The following NRG1 variants were observed in gnomAD, a reference collection of about 807,000 sequenced individuals.
NRG1 encodes the protein neuregulin 1.
Under a neutral mutation model 63.8 loss-of-function variants are expected in NRG1, and 18 were observed. That is an observed-to-expected ratio of 0.28 (90% CI 0.19 to 0.42). The LOEUF (loss-of-function observed/expected upper bound fraction) is 0.42, where lower values mean the gene tolerates loss of function less well. Among genes scored for constraint, NRG1 ranks in the 10% least tolerant of loss-of-function variants. NRG1 has a pLI of 1.00. For synonymous variants in NRG1, 302 were observed against 301.3 expected, an observed-to-expected ratio of 1.00 and a Z score of -0.02; for missense variants, 762 against 814.7, an observed-to-expected ratio of 0.94 and a Z score of 0.79.
intron 1 of NRG1, among the ~76,000 whole-genome samples, chr8:31,740,219 G>T (rs937490872): frequency 2.0e-5 from 3 of 152,014 alleles, no homozygotes; most frequent in Admixed American, 1.3e-4. Context: ...CCATGCATGG[G>T]ACTGAAGAGT....
intron 1 of NRG1, among the ~76,000 whole-genome samples, chr8:31,953,643 C>G (rs1011282777): frequency 6.6e-6 from 1 of 152,182 alleles, no homozygotes; most frequent in East Asian, 1.9e-4. Context: ...CTTTAGTCTA[C>G]TTGGCAATAT....
intron 1 of NRG1, among the ~76,000 whole-genome samples, chr8:31,856,328 C>A: frequency 6.6e-6 from 1 of 152,098 alleles, no homozygotes; most frequent in Non-Finnish European, 1.5e-5. Context: ...ATTCTTTTTT[C>A]TCTAAACTTC....
intron 1 of NRG1, among the ~76,000 whole-genome samples, chr8:32,061,047 A>G (rs1380776275): frequency 6.6e-6 from 1 of 151,916 alleles, no homozygotes; most frequent in Non-Finnish European, 1.5e-5. Flanking sequence ...CTGCTAAACT[A>G]TTATATACTA....
intron 1 of NRG1, among the ~76,000 whole-genome samples, chr8:32,415,434 A>T (rs1463062609): frequency 6.8e-6 from 1 of 148,004 alleles, no homozygotes; most frequent in Non-Finnish European, 1.5e-5. Context: ...AAAAAAAAAA[A>T]ATGCGGCAAT....
chr8:31,687,053 G>A (rs1323138023), intron 1 of NRG1, among the ~76,000 whole-genome samples: 2 of 152,142 alleles, frequency 1.3e-5, no homozygotes, highest in Non-Finnish European at 2.9e-5. Context: ...ACAGGTGTGA[G>A]CCTCTGTGCC....
intron 5 of NRG1, among the ~76,000 whole-genome samples, chr8:32,687,016 G>A (rs886388707): frequency 1.3e-5 from 2 of 152,150 alleles, no homozygotes; most frequent in African/African-American, 4.8e-5. Context: ...TCATAATCTT[G>A]TTCCTGAATG....
intron 1 of NRG1, among the ~76,000 whole-genome samples, chr8:31,712,255 C>CTTTTTTTTTTTTTTTTTTTT (rs57363109): frequency 6.9e-5 from 5 of 72,352 alleles, no homozygotes; most frequent in African/African-American, 1.2e-4. Context: ...TCTTCATGAT[C>CTTTTTTTTTTTTTTTTTTTT]TTTTTTTTTT....
At chr8:32,401,773 A>G (rs1337441527) in intron 1 of NRG1, among the ~76,000 whole-genome samples, 2 of 152,184 alleles carry the variant, frequency 1.3e-5, no homozygotes, top group African/African-American at 2.4e-5. Flanking sequence ...CAGAAAAACT[A>G]CCTATCAGGT....
At chr8:32,400,490 G>A (rs541823269) in intron 1 of NRG1, among the ~76,000 whole-genome samples, 2 of 152,096 alleles carry the variant, frequency 1.3e-5, no homozygotes, top group Non-Finnish European at 1.5e-5. Context: ...CAAACGACAC[G>A]AACAGACACT....
intron 1 of NRG1, among the ~76,000 whole-genome samples, chr8:32,129,043 TC>T (rs552399205): frequency 1.5e-3 from 225 of 152,094 alleles, no homozygotes; most frequent in African/African-American, 5.2e-3. Context: ...TGATTTATGC[TC>T]CCACAATAGT....
chr8:32,166,134 T>C (rs1458632314), intron 1 of NRG1, among the ~76,000 whole-genome samples: 3 of 152,214 alleles, frequency 2.0e-5, no homozygotes, highest in East Asian at 3.8e-4. Flanking sequence ...TAATGACTTA[T>C]GCTGGGAAGT....
intron 1 of NRG1, among the ~76,000 whole-genome samples, chr8:32,124,692 C>T (rs1833871956): frequency 6.6e-6 from 1 of 151,796 alleles, no homozygotes; most frequent in Admixed American, 6.6e-5. Context: ...TTTTCAATGT[C>T]CCCCATCCTA....
chr8:32,597,852 T>C (rs1441936643), intron 2 of NRG1, among the ~76,000 whole-genome samples: 1 of 152,138 alleles, frequency 6.6e-6, no homozygotes, highest in Non-Finnish European at 1.5e-5. Flanking sequence ...CATATGTGCA[T>C]GAGGGGAGGA....
chr8:31,720,529 C>A (rs1381332787), intron 1 of NRG1, among the ~76,000 whole-genome samples: 1 of 152,192 alleles, frequency 6.6e-6, no homozygotes, highest in Non-Finnish European at 1.5e-5. Context: ...GTGTTGTTCC[C>A]ACCACGTGTC....
At chr8:31,883,854 G>A (rs552636051) in intron 1 of NRG1, among the ~76,000 whole-genome samples, 6 of 152,142 alleles carry the variant, frequency 3.9e-5, no homozygotes, top group South Asian at 2.1e-4. Context: ...TAGTTTTGAC[G>A]GAATGGTCTC....
chr8:32,445,797 T>A (rs17715649), intron 1 of NRG1, among the ~76,000 whole-genome samples: 23,804 of 151,690 alleles, frequency 0.16, 2,179 homozygotes, highest in Non-Finnish European at 0.2. Context: ...GAAGTGAGGG[T>A]GTTTCATATG....
chr8:31,713,563 T>G (rs1170914478), intron 1 of NRG1, among the ~76,000 whole-genome samples: 3 of 152,170 alleles, frequency 2.0e-5, no homozygotes, highest in Non-Finnish European at 4.4e-5. Context: ...CTTCACTTCA[T>G]TTTCTCCTTA....
chr8:32,357,097 C>A (rs2129480616), intron 1 of NRG1, among the ~76,000 whole-genome samples: 1 of 152,158 alleles, frequency 6.6e-6, no homozygotes, highest in East Asian at 1.9e-4. Context: ...ATGAGGCTGG[C>A]CTGGGGGAAA....
intron 1 of NRG1, among the ~76,000 whole-genome samples, chr8:32,340,015 C>T (rs1175176262): frequency 6.6e-6 from 1 of 152,028 alleles, no homozygotes; most frequent in African/African-American, 2.4e-5. Flanking sequence ...TTGACTTTCT[C>T]CTTCCCCTCT....
Sources: gnomAD v4.1 joint callset for allele counts (sites outside exome capture counted in the v4.1 genomes callset) on GRCh38, gnomAD v4.1.1 for gene constraint, MANE v1.5 for transcripts, NCBI Gene and HGNC (gene_info 2026-07-23, HGNC 2026-07-21) for gene names.